The following JAZF1 variants were observed in gnomAD, a reference collection of about 807,000 sequenced individuals.
JAZF1 encodes the protein JAZF zinc finger 1.
In JAZF1, 8 loss-of-function variants were observed where a neutral mutation model predicts 26.4. The observed-to-expected ratio is 0.30, with a 90% CI of 0.18 to 0.55. JAZF1 has a LOEUF of 0.55. JAZF1 is among the 20% of genes least tolerant of loss of function. The probability of loss-of-function intolerance (pLI) is 0.94; values close to 1 mark genes in which losing one functional copy is unlikely to be tolerated. For synonymous variants in JAZF1, 126 were observed against 122.3 expected (o/e 1.03, Z -0.20); for missense variants, 199 against 322.0 (o/e 0.62, Z 2.92).
chr7:27,832,703 T>C lies in JAZF1; in HGVS notation c.*97A>G, dbSNP rs182104681. Reference sequence around the variant, plus strand: ...AAAGCATGCATTTAATTCTTTTTCTTTAAAGGGTTGCTGAATGCTTCCCCT... The same window carrying C: ...AAAGCATGCATTTAATTCTTTTTCTCTAAAGGGTTGCTGAATGCTTCCCCT... On this transcript the variant is annotated 3_prime_UTR_variant, in exon 5 of 5. Coordinates refer to ENST00000283928, the MANE Select transcript of JAZF1 (RefSeq NM_175061.4). 8.7e-4 allele frequency: 878 copies of C among 1,014,860 alleles called. 6 individuals carry two copies. The highest frequency in any genetic ancestry group is 4.5e-3 in the South Asian group (216 of 47,612). The allele number at this position is 1,014,860 out of a possible 1,614,324, so 62.9% of individuals were successfully genotyped here.
At chr7:27,928,413 A>G (rs1305970769) in intron 2 of JAZF1, among the ~76,000 whole-genome samples, 3 of 152,244 alleles carry the variant, frequency 2.0e-5, no homozygotes, top group Non-Finnish European at 2.9e-5. Flanking sequence ...TGGAAAGCCA[A>G]TTGCAGGCAA....
intron 3 of JAZF1, among the ~76,000 whole-genome samples, chr7:27,871,381 C>A (rs1783579407): frequency 6.6e-6 from 1 of 152,216 alleles, no homozygotes; most frequent in African/African-American, 2.4e-5. Context: ...TCTTCCCTTG[C>A]TTTGTTTTGC....
intron 1 of JAZF1, among the ~76,000 whole-genome samples, chr7:28,074,510 C>T (rs141259894): frequency 5.2e-4 from 79 of 152,254 alleles, no homozygotes; most frequent in African/African-American, 1.8e-3. Flanking sequence ...CTTATGTGTA[C>T]ATACACACAT....
intron 3 of JAZF1, among the ~76,000 whole-genome samples, chr7:27,859,807 G>A (rs1278955582): frequency 2.0e-5 from 3 of 152,178 alleles, no homozygotes; most frequent in Non-Finnish European, 4.4e-5. Context: ...ACCATGGCAT[G>A]TGTATAGCTA....
chr7:27,898,316 T>TG, intron 2 of JAZF1, among the ~76,000 whole-genome samples: 1 of 52,098 alleles, frequency 1.9e-5, no homozygotes, highest in Middle Eastern at 7.9e-3. Context: ...CATCGGTTTT[T>TG]TTTTTTTTTT....
chr7:28,142,157 G>A (rs1782968474), intron 1 of JAZF1, among the ~76,000 whole-genome samples: 1 of 152,100 alleles, frequency 6.6e-6, no homozygotes, highest in Admixed American at 6.5e-5. Flanking sequence ...TTTGTAAACA[G>A]GACATGAAAA....
At chr7:27,950,852 C>T (rs1232839851) in intron 2 of JAZF1, among the ~76,000 whole-genome samples, 2 of 152,050 alleles carry the variant, frequency 1.3e-5, no homozygotes, top group Non-Finnish European at 2.9e-5. Context: ...AAAATAATTA[C>T]AAATCAGTGC....
At chr7:27,941,172 C>T (rs1468954345) in intron 2 of JAZF1, among the ~76,000 whole-genome samples, 2 of 152,156 alleles carry the variant, frequency 1.3e-5, no homozygotes, top group East Asian at 1.9e-4. Context: ...AATAGCTGCA[C>T]CAAATGAGCC....
intron 3 of JAZF1, among the ~76,000 whole-genome samples, chr7:27,857,117 CG>C (rs1783278335): frequency 1.3e-5 from 2 of 152,178 alleles, no homozygotes; most frequent in Admixed American, 6.5e-5. Flanking sequence ...CGGCGCTCGT[CG>C]GGGAGGCTTG....
intron 3 of JAZF1, among the ~76,000 whole-genome samples, chr7:27,856,101 G>A (rs1278483800): frequency 2.6e-5 from 4 of 152,116 alleles, no homozygotes; most frequent in Non-Finnish European, 4.4e-5. Flanking sequence ...ATGAAGCTGC[G>A]GACCCTCGTG....
intron 1 of JAZF1, among the ~76,000 whole-genome samples, chr7:28,172,161 T>G (rs1032246897): frequency 6.6e-6 from 1 of 152,246 alleles, no homozygotes; most frequent in Non-Finnish European, 1.5e-5. Flanking sequence ...CAATGACTTA[T>G]ATTCATATCA....
chr7:27,932,139 A>G (rs967781736), intron 2 of JAZF1, among the ~76,000 whole-genome samples: 4 of 152,166 alleles, frequency 2.6e-5, no homozygotes, highest in African/African-American at 9.7e-5. Context: ...GAAGAGTTTT[A>G]TGTGTATGGA....
intron 2 of JAZF1, among the ~76,000 whole-genome samples, chr7:27,904,868 T>C (rs571240278): frequency 1.3e-5 from 2 of 152,300 alleles, no homozygotes; most frequent in East Asian, 1.9e-4. Flanking sequence ...GCTAATGAAA[T>C]AGATTGTGTT....
intron 1 of JAZF1, among the ~76,000 whole-genome samples, chr7:28,047,501 G>T (rs1277526232): frequency 6.6e-6 from 1 of 152,016 alleles, no homozygotes; most frequent in East Asian, 1.9e-4. Flanking sequence ...AGATACTTCA[G>T]TAAATTTCTA....
intron 1 of JAZF1, among the ~76,000 whole-genome samples, chr7:28,115,148 G>C (rs908505724): frequency 6.6e-6 from 1 of 152,166 alleles, no homozygotes; most frequent in African/African-American, 2.4e-5. Flanking sequence ...GTGGATAGGA[G>C]GCTACATCAG....
At chr7:27,993,465 C>T (rs1014616619) in intron 1 of JAZF1, among the ~76,000 whole-genome samples, 1 of 152,198 alleles carries the variant, frequency 6.6e-6, no homozygotes, top group African/African-American at 2.4e-5. Context: ...CTTACTCACA[C>T]TCATTTAAAT....
At chr7:28,092,293 A>C (rs1784312297) in intron 1 of JAZF1, among the ~76,000 whole-genome samples, 4 of 93,456 alleles carry the variant, frequency 4.3e-5, no homozygotes, top group African/African-American at 1.7e-4. Context: ...CAAAAGGCAA[A>C]AAAAAAAAAA....
intron 1 of JAZF1, among the ~76,000 whole-genome samples, chr7:28,130,960 T>A (rs1782783880): frequency 6.6e-6 from 1 of 152,182 alleles, no homozygotes; most frequent in African/African-American, 2.4e-5. Context: ...CTCACTACCA[T>A]CATGAAAAGT....
intron 1 of JAZF1, among the ~76,000 whole-genome samples, chr7:28,063,420 T>C (rs75979662): frequency 0.023 from 3,571 of 152,144 alleles, 125 homozygotes; most frequent in African/African-American, 0.08. Flanking sequence ...CGAACTGCAA[T>C]AGAACCAGAA....
Sources: allele counts gnomAD v4.1 joint callset (sites outside exome capture counted in the v4.1 genomes callset), GRCh38; gene constraint gnomAD v4.1.1; transcripts MANE v1.5; gene names NCBI Gene and HGNC (gene_info 2026-07-23, HGNC 2026-07-21).